The following HERC1 variants were observed in gnomAD, a reference collection of about 807,000 sequenced individuals.
The protein encoded by HERC1 is HECT and RLD domain containing E3 ubiquitin protein ligase family member 1.
Under a neutral mutation model 554.3 loss-of-function variants are expected in HERC1, and 160 were observed. The observed-to-expected ratio is 0.29, with a 90% confidence interval of 0.25 to 0.33. The LOEUF is 0.33. HERC1 is among the 10% of genes least tolerant of loss of function. The pLI, the probability that HERC1 is intolerant of heterozygous loss-of-function variation, is 1.00. For missense variants in HERC1, 4,919 were observed against 5,918.5 expected, an observed-to-expected ratio of 0.83 and a Z score of 5.54; for synonymous variants, 2,175 against 2,131.7, an observed-to-expected ratio of 1.02 and a Z score of -0.56.
At chr15:63,686,585 A>G (rs1350623222) in intron 33 of HERC1, 50 bp from the exon 34 acceptor site, 1 of 1,509,038 alleles carries the variant, frequency 6.6e-7, no homozygotes, top group African/African-American at 1.4e-5. Context: ...CATGTCTCAG[A>G]TAAGATATAT....
rs1337519543 is a variant in HERC1, at chr15:63,696,225, G to A, written c.5020C>T (p.Leu1674Phe). ...AGGAACTGCAGCCTCACAGACGTGAGTAGTGTGGAGGACTGGAAGCCTGAA... is the reference window on the plus strand; with the variant it reads ...AGGAACTGCAGCCTCACAGACGTGAATAGTGTGGAGGACTGGAAGCCTGAA... The part of the protein sequence containing the change: ...LSSGFQSSTL[L>F]TSVRLQFLAG... Residue 1674 changes from leucine (L) to phenylalanine (F), a missense_variant, in exon 27 of 78, where the codon CTC becomes TTC. By Grantham distance (22) the Leu-to-Phe change is conservative. Around this residue, in one of 11 missense-constraint regions of HERC1, gnomAD observed 1,121 missense variants for 1,244.0 expected, o/e 0.90. Coordinates refer to ENST00000443617, the MANE Select transcript of HERC1 (RefSeq NM_003922.4). The A allele has an allele frequency of 6.2e-7, 1 of 1,613,516 alleles. No individual in the cohort carries two copies. Among genetic ancestry groups the A allele is most frequent in the Non-Finnish European group, 8.5e-7 (1 of 1,179,652 alleles).
intron 19 of HERC1, among the ~76,000 whole-genome samples, chr15:63,719,705 A>G (rs551355117): frequency 1.3e-5 from 2 of 152,358 alleles, no homozygotes; most frequent in East Asian, 1.9e-4. Context: ...GAGAGTCCAC[A>G]TGCATTTTGA....
At chr15:63,714,451 G>A (rs1029705238) in intron 22 of HERC1, among the ~76,000 whole-genome samples, 3 of 151,828 alleles carry the variant, frequency 2.0e-5, no homozygotes, top group African/African-American at 7.3e-5. Flanking sequence ...GAGTTAACAA[G>A]GTTCTGATGC....
chr15:63,747,974 C>G (rs1256181403), intron 10 of HERC1, 116 bp from the exon 11 acceptor site: 14 of 1,013,090 alleles, frequency 1.4e-5, no homozygotes, highest in East Asian at 8.0e-5. Context: ...GCCTGTAATC[C>G]TAGCACTTTG....
chr15:63,787,627 C>T (rs55679015), intron 1 of HERC1, among the ~76,000 whole-genome samples: 5,604 of 152,046 alleles, frequency 0.037, 175 homozygotes, highest in African/African-American at 0.087. Flanking sequence ...GAGCCAGACT[C>T]GGTGGCACAC....
chr15:63,791,956 T>C (rs2076666019), intron 1 of HERC1, among the ~76,000 whole-genome samples: 1 of 152,230 alleles, frequency 6.6e-6, no homozygotes, highest in African/African-American at 2.4e-5. Context: ...CTTTCCAGTG[T>C]AATTCTTGTT....
At chr15:63,815,010 C>A (rs2077449598) in intron 1 of HERC1, among the ~76,000 whole-genome samples, 1 of 152,188 alleles carries the variant, frequency 6.6e-6, no homozygotes, top group South Asian at 2.1e-4. Context: ...CAAAGCATTT[C>A]TAAATCTGAA....
chr15:63,650,673 C>T (rs1182376303), intron 53 of HERC1, among the ~76,000 whole-genome samples: 1 of 152,182 alleles, frequency 6.6e-6, no homozygotes, highest in African/African-American at 2.4e-5. Context: ...ATGTCAAGCA[C>T]TTAAGTCCTT....
At chr15:63,778,712 G>A (rs1364399198) in intron 1 of HERC1, among the ~76,000 whole-genome samples, 2 of 152,078 alleles carry the variant, frequency 1.3e-5, no homozygotes, top group African/African-American at 2.4e-5. Flanking sequence ...TAAAATACTC[G>A]ATACCACAAA....
intron 1 of HERC1, among the ~76,000 whole-genome samples, chr15:63,788,874 C>CAAAAA (rs1161447448): frequency 1.5e-5 from 1 of 67,374 alleles, no homozygotes; most frequent in African/African-American, 4.8e-5. Flanking sequence ...GACTCCGTCT[C>CAAAAA]AAAAAAAAAA....
chr15:63,638,656 T>C (rs2068892811), intron 62 of HERC1, 55 bp downstream of exon 62: 3 of 1,588,074 alleles, frequency 1.9e-6, no homozygotes, highest in Non-Finnish European at 2.6e-6. Flanking sequence ...CACAAGCATT[T>C]AGAATCAAAA....
intron 55 of HERC1, among the ~76,000 whole-genome samples, chr15:63,647,378 G>A (rs542132369): frequency 3.3e-4 from 50 of 151,962 alleles, no homozygotes; most frequent in African/African-American, 1.2e-3. Flanking sequence ...TGGTGAAAAG[G>A]GAACTCTTAA....
chr15:63,828,888 C>CA (rs1350270382), intron 1 of HERC1, among the ~76,000 whole-genome samples: 3 of 152,040 alleles, frequency 2.0e-5, no homozygotes, highest in Admixed American at 2.0e-4. Context: ...AAGGCTAAAG[C>CA]AAAAATAACT....
intron 12 of HERC1, among the ~76,000 whole-genome samples, chr15:63,744,198 GTC>G (rs2074968098): frequency 1.1e-5 from 1 of 94,470 alleles, no homozygotes; most frequent in African/African-American, 4.3e-5. Flanking sequence ...CTCTCTCTCT[GTC>G]TCTCCTCAGC....
chr15:63,798,144 C>A (rs1436339884), intron 1 of HERC1, among the ~76,000 whole-genome samples: 1 of 152,164 alleles, frequency 6.6e-6, no homozygotes, highest in Non-Finnish European at 1.5e-5. Flanking sequence ...CCTTCAACCC[C>A]AGAATCAGTG....
chr15:63,786,914 A>ATTTTTTT (rs780871966), intron 1 of HERC1, among the ~76,000 whole-genome samples: 8 of 135,550 alleles, frequency 5.9e-5, no homozygotes, highest in Non-Finnish European at 9.7e-5. Context: ...AACTCAATAA[A>ATTTTTTT]TTATTATTTT....
In HERC1 at chr15:63,752,938, T is replaced by C. The variant is rs2075301884; in HGVS notation, c.1902+20A>G. 3.7e-6 allele frequency: 6 copies of C among 1,609,990 alleles called. No individual in the cohort carries two copies. Among genetic ancestry groups the C allele is most frequent in the Non-Finnish European group, 5.1e-6 (6 of 1,177,866 alleles). On this transcript the variant is annotated intron_variant, in intron 8 of 77. Transcript: ENST00000443617. The stretch of plus-strand genomic sequence containing the variant: ...CCTCTGAAATACTCTAAGTCTTTTA[T>C]ACTCATCCCTTAGTCCTACCTGCCC...
chr15:63,761,189 C>T (rs1396576045), intron 3 of HERC1, among the ~76,000 whole-genome samples: 1 of 152,084 alleles, frequency 6.6e-6, no homozygotes, highest in Non-Finnish European at 1.5e-5. Context: ...TAGAGAATGA[C>T]CCTCAAACTA....
chr15:63,744,164 G>GTGTCTCTCTC, intron 12 of HERC1, among the ~76,000 whole-genome samples: 1 of 46,222 alleles, frequency 2.2e-5, no homozygotes, highest in African/African-American at 6.7e-5. Flanking sequence ...GTGTGTGTGT[G>GTGTCTCTCTC]TCTCTCTCTC....
Sources: gnomAD v4.1 joint callset for allele counts (sites outside exome capture counted in the v4.1 genomes callset) on GRCh38, gnomAD v4.1.1 for gene constraint, gnomAD v4.1.1 regional missense constraint, MANE v1.5 for transcripts, NCBI Gene and HGNC (gene_info 2026-07-23, HGNC 2026-07-21) for gene names.